ADORA2B: variants seen among roughly 807,000 people sequenced by gnomAD.
The protein encoded by ADORA2B is adenosine receptor A2b.
Under a neutral mutation model 20.8 loss-of-function variants are expected in ADORA2B, and 18 were observed. The observed-to-expected ratio is 0.87, with a 90% CI of 0.60 to 1.29. The LOEUF (loss-of-function observed/expected upper bound fraction) is 1.29, where lower values mean the gene tolerates loss of function less well. Ranked by LOEUF, ADORA2B falls within the 50% of genes most tolerant of loss-of-function variation. The pLI is 0.00. For synonymous variants in ADORA2B, 179 were observed against 178.3 expected, an observed-to-expected ratio of 1.00 and a Z score of -0.03; for missense variants, 441 against 422.7, an observed-to-expected ratio of 1.04 and a Z score of -0.38.
chr17:15,854,224 G>A, the ADORA2B span, among the ~76,000 whole-genome samples: 5 of 152,122 alleles, frequency 3.3e-5, no homozygotes, highest in East Asian at 9.6e-4. Flanking sequence ...CAAAGTGCTG[G>A]GATTACAGGC....
At chr17:15,858,642 ACGCACACACGCGTG>A in the ADORA2B span, 1 of 152,420 alleles carries the variant, frequency 6.6e-6, no homozygotes. Flanking sequence ...GAACTGTTGG[ACGCACACACGCGTG>A]CGCACACACA....
the ADORA2B span, among the ~76,000 whole-genome samples, chr17:15,881,524 T>C: frequency 6.6e-6 from 1 of 152,242 alleles, no homozygotes; most frequent in African/African-American, 2.4e-5. Context: ...TACTTTCTAT[T>C]TCCAAAATGT....
At chr17:15,919,069 G>T in the ADORA2B span, among the ~76,000 whole-genome samples, 1 of 152,118 alleles carries the variant, frequency 6.6e-6, no homozygotes, top group Admixed American at 6.5e-5. Flanking sequence ...CAGCTGTCCA[G>T]TGCCCAGCCT....
intron 1 of ADORA2B, among the ~76,000 whole-genome samples, chr17:15,947,312 G>T (rs1969819362): frequency 6.6e-6 from 1 of 152,234 alleles, no homozygotes; most frequent in Admixed American, 6.5e-5. Context: ...AAACCCCTTG[G>T]ACTTGCCCTG....
the ADORA2B span, among the ~76,000 whole-genome samples, chr17:15,884,436 C>G: frequency 6.6e-6 from 1 of 151,942 alleles, no homozygotes; most frequent in African/African-American, 2.4e-5. Context: ...GGTACACGTT[C>G]AGGATGTGTA....
At chr17:15,865,112 ATTTAG>A in the ADORA2B span, among the ~76,000 whole-genome samples, 7 of 152,194 alleles carry the variant, frequency 4.6e-5, no homozygotes, top group African/African-American at 1.7e-4. Context: ...AGTTGTTTGC[ATTTAG>A]TTTAAAGAGT....
At chr17:15,910,359 G>A in the ADORA2B span, among the ~76,000 whole-genome samples, 32 of 151,734 alleles carry the variant, frequency 2.1e-4, no homozygotes, top group Admixed American at 1.1e-3. Flanking sequence ...GTGCAGTGGC[G>A]TGATCTCAGC....
At chr17:15,941,789 C>T (rs544877609), upstream of ADORA2B, among the ~76,000 whole-genome samples, 5 of 151,322 alleles carry the variant, frequency 3.3e-5, no homozygotes, top group East Asian at 1.9e-4. Flanking sequence ...CCTTCCTCCT[C>T]GTGTTTCCTG....
the ADORA2B span, among the ~76,000 whole-genome samples, chr17:15,870,861 G>A: frequency 1.6e-4 from 24 of 152,276 alleles, no homozygotes; most frequent in South Asian, 3.3e-3. Context: ...CCCTGACTTC[G>A]TTGTGAAGAT....
At chr17:15,945,661 C>G in intron 1 of ADORA2B, 78 bp downstream of exon 1, 9 of 1,357,596 alleles carry the variant, frequency 6.6e-6, no homozygotes, top group Non-Finnish European at 8.7e-6. Flanking sequence ...GCCGGGGTTC[C>G]TCCCTCGGGG....
the ADORA2B span, among the ~76,000 whole-genome samples, chr17:15,913,871 A>C: frequency 6.6e-6 from 1 of 152,348 alleles, no homozygotes; most frequent in East Asian, 1.9e-4. Flanking sequence ...AACATGGGAA[A>C]AGTTAGCCAC....
chr17:15,878,368 CTGGTG>C, the ADORA2B span, among the ~76,000 whole-genome samples: 1 of 152,098 alleles, frequency 6.6e-6, no homozygotes, highest in African/African-American at 2.4e-5. Flanking sequence ...CTCTGTGGGT[CTGGTG>C]CTCTGCCACA....
chr17:15,879,698 C>T, the ADORA2B span, among the ~76,000 whole-genome samples: 184 of 149,460 alleles, frequency 1.2e-3, no homozygotes, highest in African/African-American at 4.5e-3. Context: ...CCACCACGCC[C>T]GGCTAATTTT....
chr17:15,945,398 T>A lies in ADORA2B; in HGVS notation c.150T>A (p.Ala50=), dbSNP rs757905703. The A allele has an allele frequency of 6.2e-7, 1 of 1,613,418 alleles. No individual in the cohort carries two copies. Among genetic ancestry groups the A allele is most frequent in the Non-Finnish European group, 8.5e-7 (1 of 1,179,950 alleles). ...TPTNYFLVSL[A]AADVAVGLFA... is the part of the protein sequence containing the mutation. Reference sequence around the variant, plus strand: ...CCAACTACTTCCTGGTGTCCCTGGCTGCGGCCGACGTGGCCGTGGGGCTCT... The same window carrying A: ...CCAACTACTTCCTGGTGTCCCTGGCAGCGGCCGACGTGGCCGTGGGGCTCT... Residue 50 remains alanine, a synonymous_variant, in exon 1 of 2, where the codon GCT becomes GCA. Coordinates refer to ENST00000304222, the MANE Select transcript of ADORA2B (RefSeq NM_000676.4).
At chr17:15,910,713 A>G in the ADORA2B span, among the ~76,000 whole-genome samples, 1,380 of 152,320 alleles carry the variant, frequency 9.1e-3, 27 homozygotes, top group African/African-American at 0.031. Flanking sequence ...AGTGTGGCCC[A>G]GGGAAGCCAA....
the ADORA2B span, among the ~76,000 whole-genome samples, chr17:15,916,525 G>T: frequency 1.3e-5 from 2 of 150,282 alleles, no homozygotes; most frequent in Non-Finnish European, 3.0e-5. Flanking sequence ...TGAGCAAGGA[G>T]GGGGGGTACA....
At chr17:15,873,581 G>T in the ADORA2B span, among the ~76,000 whole-genome samples, 1 of 152,126 alleles carries the variant, frequency 6.6e-6, no homozygotes, top group African/African-American at 2.4e-5. Context: ...AGTGGGCAAA[G>T]GATATGAATA....
chr17:15,894,006 C>T, the ADORA2B span, among the ~76,000 whole-genome samples: 1 of 152,322 alleles, frequency 6.6e-6, no homozygotes, highest in Admixed American at 6.5e-5. Context: ...TGAAAACAGG[C>T]TATAAGCCAG....
intron 1 of ADORA2B, among the ~76,000 whole-genome samples, chr17:15,960,115 A>C (rs1970017009): frequency 6.6e-6 from 1 of 152,150 alleles, no homozygotes; most frequent in Non-Finnish European, 1.5e-5. Flanking sequence ...GAAAATTAAG[A>C]AAATTAGTCA....
Sources: gnomAD v4.1 joint callset for allele counts (sites outside exome capture counted in the v4.1 genomes callset) on GRCh38, gnomAD v4.1.1 for gene constraint, MANE v1.5 for transcripts, NCBI Gene and HGNC (gene_info 2026-07-23, HGNC 2026-07-21) for gene names.